LINGO2: variants seen among roughly 807,000 people sequenced by gnomAD.
LINGO2 encodes leucine rich repeat and Ig domain containing 2.
A neutral mutation model predicts 30.6 loss-of-function variants in LINGO2; 14 were observed. The observed-to-expected ratio is 0.46, with a 90% CI of 0.30 to 0.72. The LOEUF (loss-of-function observed/expected upper bound fraction) is 0.72, where lower values mean the gene tolerates loss of function less well. Ranked by LOEUF, LINGO2 falls within the 30% of genes least tolerant of loss-of-function variation. LINGO2 has a pLI of 0.07. For missense variants in LINGO2, 729 were observed against 751.7 expected (o/e 0.97, Z 0.35); for synonymous variants, 317 against 288.5 (o/e 1.10, Z -1.00).
chr9:28,182,775 C>T (rs1488876307), intron 4 of LINGO2, among the ~76,000 whole-genome samples: 3 of 152,100 alleles, frequency 2.0e-5, no homozygotes, highest in Non-Finnish European at 2.9e-5. Context: ...TCAAGCCAGT[C>T]AGAATGGCGA....
the LINGO2 span, among the ~76,000 whole-genome samples, chr9:28,789,056 T>C: frequency 6.6e-6 from 1 of 152,320 alleles, no homozygotes; most frequent in South Asian, 2.1e-4. Context: ...TCATAGCATA[T>C]GTCAAGACCT....
the LINGO2 span, among the ~76,000 whole-genome samples, chr9:29,071,001 C>T: frequency 1.3e-5 from 2 of 150,262 alleles, no homozygotes; most frequent in Admixed American, 6.7e-5. Flanking sequence ...ATCTATCATT[C>T]CATTAGAAAG....
chr9:28,704,487 T>C, the LINGO2 span, among the ~76,000 whole-genome samples: 1 of 152,044 alleles, frequency 6.6e-6, no homozygotes, highest in African/African-American at 2.4e-5. Context: ...TTTGAGGACA[T>C]TCTGAGTCAT....
chr9:28,343,316 A>G (rs954557557), intron 3 of LINGO2, among the ~76,000 whole-genome samples: 3 of 152,182 alleles, frequency 2.0e-5, no homozygotes, highest in African/African-American at 4.8e-5. Context: ...ACACGCAAAC[A>G]TACATATATA....
intron 4 of LINGO2, among the ~76,000 whole-genome samples, chr9:28,026,309 A>G (rs1178789093): frequency 6.6e-6 from 1 of 152,162 alleles, no homozygotes; most frequent in East Asian, 1.9e-4. Context: ...CACTTTGCAA[A>G]TGTATCCACC....
chr9:29,170,780 T>C, the LINGO2 span, among the ~76,000 whole-genome samples: 4 of 151,894 alleles, frequency 2.6e-5, no homozygotes, highest in Non-Finnish European at 4.4e-5. Flanking sequence ...GAAATATAAA[T>C]GACCAAAAAA....
At chr9:29,154,999 A>G in the LINGO2 span, among the ~76,000 whole-genome samples, 1 of 152,228 alleles carries the variant, frequency 6.6e-6, no homozygotes, top group Non-Finnish European at 1.5e-5. Flanking sequence ...CTAATTCCTC[A>G]GCAACAAAAG....
chr9:28,690,788 A>G, the LINGO2 span, among the ~76,000 whole-genome samples: 1 of 152,150 alleles, frequency 6.6e-6, no homozygotes, highest in Non-Finnish European at 1.5e-5. Context: ...GATCCCTCAC[A>G]ATCCTTCTCA....
intron 1 of LINGO2, among the ~76,000 whole-genome samples, chr9:28,577,929 GA>G (rs1374692378): frequency 6.6e-6 from 1 of 152,130 alleles, no homozygotes; most frequent in Non-Finnish European, 1.5e-5. Context: ...TTTCTGAATG[GA>G]AAATCTGATT....
the LINGO2 span, among the ~76,000 whole-genome samples, chr9:28,990,816 TA>T: frequency 6.6e-6 from 1 of 151,958 alleles, no homozygotes; most frequent in Non-Finnish European, 1.5e-5. Flanking sequence ...GAAGGAAAAC[TA>T]ACAAAAAGAA....
chr9:27,970,179 G>T (rs140519446), intron 5 of LINGO2, among the ~76,000 whole-genome samples: 26 of 152,202 alleles, frequency 1.7e-4, no homozygotes, highest in African/African-American at 6.0e-4. Context: ...TGTAGGAGTG[G>T]GGACACTGTG....
At chr9:28,033,636 C>G (rs1054110619) in intron 4 of LINGO2, among the ~76,000 whole-genome samples, 1 of 151,890 alleles carries the variant, frequency 6.6e-6, no homozygotes, top group African/African-American at 2.4e-5. Context: ...GGATGGATTA[C>G]TTTTATAATG....
chr9:28,407,758 T>C (rs1822572299), intron 2 of LINGO2, among the ~76,000 whole-genome samples: 1 of 152,158 alleles, frequency 6.6e-6, no homozygotes, highest in African/African-American at 2.4e-5. Flanking sequence ...GTTAACCTTT[T>C]CCTTACATTA....
At chr9:28,299,522 C>A (rs1824056260) in intron 3 of LINGO2, among the ~76,000 whole-genome samples, 1 of 152,016 alleles carries the variant, frequency 6.6e-6, no homozygotes, top group Non-Finnish European at 1.5e-5. Flanking sequence ...TCATTAACAA[C>A]TACCACTAAT....
the LINGO2 span, among the ~76,000 whole-genome samples, chr9:28,904,461 A>G: frequency 6.6e-6 from 1 of 152,020 alleles, no homozygotes; most frequent in African/African-American, 2.4e-5. Context: ...AAAAAACTTA[A>G]GACTCCACCA....
At chr9:28,776,994 A>T in the LINGO2 span, among the ~76,000 whole-genome samples, 4 of 151,938 alleles carry the variant, frequency 2.6e-5, no homozygotes, top group Admixed American at 2.6e-4. Flanking sequence ...GTGAGTTCTC[A>T]CGAGATCTGG....
intron 1 of LINGO2, among the ~76,000 whole-genome samples, chr9:28,479,942 T>C (rs1825888751): frequency 7.5e-6 from 1 of 132,652 alleles, no homozygotes; most frequent in African/African-American, 2.9e-5. Context: ...TATATATATA[T>C]ATATATATAT....
chr9:28,181,323 T>C (rs780886124), intron 4 of LINGO2, among the ~76,000 whole-genome samples: 1 of 152,220 alleles, frequency 6.6e-6, no homozygotes, highest in Admixed American at 6.5e-5. Context: ...CTATGAACAA[T>C]GTTTGGAGGA....
At chr9:28,919,267 A>G in the LINGO2 span, among the ~76,000 whole-genome samples, 111,426 of 151,854 alleles carry the variant, frequency 0.73, 41,097 homozygotes, top group Non-Finnish European at 0.78. Context: ...TCATGCTTGA[A>G]GGTTCAGCCA....
Sources: gnomAD v4.1 joint callset for allele counts (sites outside exome capture counted in the v4.1 genomes callset) on GRCh38, gnomAD v4.1.1 for gene constraint, MANE v1.5 for transcripts, NCBI Gene and HGNC (gene_info 2026-07-23, HGNC 2026-07-21) for gene names.